The following ACO2 variants were observed in gnomAD, a reference collection of about 807,000 sequenced individuals.
ACO2 encodes the protein aconitate hydratase, mitochondrial.
In ACO2, 31 loss-of-function variants were observed where a neutral mutation model predicts 84.5. The ratio of observed to expected loss-of-function variants is 0.37; its 90% CI spans 0.28 to 0.50. ACO2 has a LOEUF of 0.50. Ranked by LOEUF, ACO2 falls within the 20% of genes least tolerant of loss-of-function variation. ACO2 has a pLI of 0.97. For synonymous variants in ACO2, 414 were observed against 412.7 expected (o/e 1.00, Z -0.04); for missense variants, 685 against 1,029.3 (o/e 0.67, Z 4.58).
chr22:41,484,151 G>T (rs191259010), intron 1 of ACO2, among the ~76,000 whole-genome samples: 1 of 152,116 alleles, frequency 6.6e-6, no homozygotes, highest in Admixed American at 6.6e-5. Context: ...TTAATAATGC[G>T]TAAAGATGTT....
At chr22:41,479,918 C>A (rs147498696) in intron 1 of ACO2, among the ~76,000 whole-genome samples, 2,645 of 152,276 alleles carry the variant, frequency 0.017, 42 homozygotes, top group Middle Eastern at 0.031. Context: ...TAAAGGAACC[C>A]CCTGCTGCCT....
chr22:41,477,073 C>T (rs116674846), intron 1 of ACO2, among the ~76,000 whole-genome samples: 1,764 of 151,250 alleles, frequency 0.012, 35 homozygotes, highest in African/African-American at 0.041. Context: ...CAGGTTCAAG[C>T]GAGTCTCCTG....
intron 1 of ACO2, among the ~76,000 whole-genome samples, chr22:41,487,259 C>A (rs2038169412): frequency 6.6e-6 from 1 of 152,196 alleles, no homozygotes; most frequent in South Asian, 2.1e-4. Context: ...TGGACTCCTT[C>A]CCCTAAAGCC....
intron 4 of ACO2, among the ~76,000 whole-genome samples, chr22:41,514,118 G>A (rs541491513): frequency 2.8e-4 from 42 of 152,278 alleles, no homozygotes; most frequent in Admixed American, 2.7e-3. Flanking sequence ...GCATCCCCAA[G>A]AGATGAGACC....
chr22:41,513,968 G>GTGTGGACCACAAGTGTCTACACCA (rs1569016499), intron 4 of ACO2, among the ~76,000 whole-genome samples: 6 of 152,106 alleles, frequency 3.9e-5, no homozygotes, highest in Admixed American at 2.6e-4. Context: ...TGTCTACACC[G>GTGTGGACCACAAGTGTCTACACCA]TGTAGACCAC....
At chr22:41,504,353 A>G (rs988358388) in intron 2 of ACO2, among the ~76,000 whole-genome samples, 2 of 152,200 alleles carry the variant, frequency 1.3e-5, no homozygotes, top group Non-Finnish European at 2.9e-5. Context: ...TGAGAACTGG[A>G]TCTGTGTCAT....
chr22:41,485,889 CT>C (rs969829007), intron 1 of ACO2, among the ~76,000 whole-genome samples: 4 of 152,006 alleles, frequency 2.6e-5, no homozygotes, highest in African/African-American at 9.7e-5. Context: ...GCCTGGCCTC[CT>C]GCTTTGTCTT....
intron 1 of ACO2, among the ~76,000 whole-genome samples, chr22:41,474,592 C>CTTT (rs34289556): frequency 2.4e-4 from 7 of 29,690 alleles, no homozygotes; most frequent in Non-Finnish European, 1.7e-4. Flanking sequence ...TGCGCCTAGC[C>CTTT]TTTTTTTTTT....
intron 14 of ACO2, chr22:41,525,787 CA>C: frequency 9.6e-6 from 2 of 208,782 alleles, no homozygotes; most frequent in East Asian, 2.4e-4. Flanking sequence ...TGGCACCGAC[CA>C]AAAACAAGCC....
At chr22:41,527,100 C>A in intron 15 of ACO2, 188 bp from the exon 16 acceptor site, 1 of 802,678 alleles carries the variant, frequency 1.2e-6, no homozygotes, top group Non-Finnish European at 1.9e-6. Flanking sequence ...CTCGGGGCCT[C>A]GTTTGGGTCT....
chr22:41,524,391 G>A (rs571360203), intron 12 of ACO2, among the ~76,000 whole-genome samples: 1 of 152,344 alleles, frequency 6.6e-6, no homozygotes, highest in Admixed American at 6.5e-5. Flanking sequence ...GCGGTATTCA[G>A]CCCTGGCCGT....
chr22:41,480,594 G>A (rs1052062600), intron 1 of ACO2, among the ~76,000 whole-genome samples: 2 of 152,120 alleles, frequency 1.3e-5, no homozygotes, highest in Admixed American at 6.5e-5. Flanking sequence ...TCTCCCAGGC[G>A]AACTGAGTAA....
At position 41,522,971 on chromosome 22, in the gene ACO2, T is replaced by C. The variant is rs930822764; in HGVS notation, c.1280T>C (p.Ile427Thr). ...GGTTCCGAGCAGATCCGCGCCACCA[T>C]TGAGCGGGACGGCTATGTGAGTGCC... The part of the protein sequence containing the change: ...TPGSEQIRAT[I>T]ERDGYAQILR... The change falls in exon 10 of 18, where the codon ATT (isoleucine) becomes ACT (threonine). Residue 427 changes from isoleucine (I) to threonine (T), a missense_variant. By Grantham distance (89) the Ile-to-Thr change is moderately conservative (BLOSUM62 -1). Around this residue, in one of 5 missense-constraint regions of ACO2, gnomAD observed 311 missense variants for 441.6 expected, o/e 0.70. Transcript: ENST00000216254. The C allele has an allele frequency of 6.8e-6, 11 of 1,614,084 alleles. No homozygotes were observed. In the Admixed American group the frequency reaches 1.2e-4, roughly 17 times the overall value.
At chr22:41,472,284 C>T (rs1456720439) in intron 1 of ACO2, among the ~76,000 whole-genome samples, 2 of 149,956 alleles carry the variant, frequency 1.3e-5, no homozygotes, top group African/African-American at 4.9e-5. Flanking sequence ...ACCCAGGAGG[C>T]GGAAGTTGCA....
chr22:41,507,042 G>A (rs2066398698), intron 2 of ACO2, among the ~76,000 whole-genome samples: 1 of 152,006 alleles, frequency 6.6e-6, no homozygotes, highest in Non-Finnish European at 1.5e-5. Flanking sequence ...GGACCCCAGG[G>A]CAGGTTTGGA....
At chr22:41,485,518 G>A (rs1249442069) in intron 1 of ACO2, among the ~76,000 whole-genome samples, 2 of 141,818 alleles carry the variant, frequency 1.4e-5, no homozygotes, top group East Asian at 4.3e-4. Flanking sequence ...TCGGCTCACT[G>A]CAGGCTCCAC....
At chr22:41,493,667 T>G (rs976929748) in intron 1 of ACO2, among the ~76,000 whole-genome samples, 1 of 152,150 alleles carries the variant, frequency 6.6e-6, no homozygotes. Context: ...CTTGGCTGGG[T>G]GCGGTGGCTC....
chr22:41,522,553 T>G (rs1299190747), intron 9 of ACO2, among the ~76,000 whole-genome samples: 4 of 152,222 alleles, frequency 2.6e-5, no homozygotes, highest in Admixed American at 6.5e-5. Flanking sequence ...CCTACACGTG[T>G]ACATGATATT....
At position 41,518,541 on chromosome 22, in the gene ACO2, A is replaced by G; in HGVS notation, c.1001A>G (p.Tyr334Cys). The change falls in exon 8 of 18, where the codon TAT becomes TGT. Residue 334 changes from tyrosine to cysteine, a missense_variant. Tyr to Cys is a radical substitution (Grantham distance 194, BLOSUM62 -2). Coordinates refer to ENST00000216254, the MANE Select transcript of ACO2 (RefSeq NM_001098.3). ...TTGGTGCCTGACCCTGGCTGCCATT[A>G]TGACCAACTAATTGAAATTAACCTC... is the stretch of plus-strand genomic sequence containing the variant. ...DHLVPDPGCHYDQLIEINLSE... is the reference protein window; with the variant it reads ...DHLVPDPGCHCDQLIEINLSE... 6.2e-7 allele frequency: 1 copy of G among 1,613,796 alleles called. No homozygotes were observed. The highest frequency in any genetic ancestry group is 1.7e-5 in the Admixed American group (1 of 60,002).
Sources: allele counts gnomAD v4.1 joint callset (sites outside exome capture counted in the v4.1 genomes callset), GRCh38; gene constraint gnomAD v4.1.1; regional missense constraint gnomAD v4.1.1; transcripts MANE v1.5; gene names NCBI Gene and HGNC (gene_info 2026-07-23, HGNC 2026-07-21).